The following PAPPA variants were observed in gnomAD, a reference collection of about 807,000 sequenced individuals.
The protein encoded by PAPPA is pappalysin 1.
PAPPA carries 60 observed loss-of-function variants against 164.0 expected under a neutral mutation model. The ratio of observed to expected loss-of-function variants is 0.37; its 90% CI spans 0.30 to 0.45. PAPPA has a LOEUF of 0.45. Among genes scored for constraint, PAPPA ranks in the 20% least tolerant of loss-of-function variants. The probability of loss-of-function intolerance (pLI) is 1.00; values close to 1 mark genes in which losing one functional copy is unlikely to be tolerated. For synonymous variants in PAPPA, 875 were observed against 814.1 expected (o/e 1.07, Z -1.27); for missense variants, 1,782 against 2,087.3 (o/e 0.85, Z 2.85).
chr9:116,178,812 T>C (rs1386576798), intron 1 of PAPPA, among the ~76,000 whole-genome samples: 1 of 152,198 alleles, frequency 6.6e-6, no homozygotes, highest in Non-Finnish European at 1.5e-5. Flanking sequence ...TTCCCATCCA[T>C]AGCTAGTAAA....
In PAPPA at chr9:116,347,237, C is replaced by T. The variant is rs1846223309; in HGVS notation, c.3964+28C>T. 1.3e-6 allele frequency: 2 copies of T among 1,577,574 alleles called. No individual in the cohort carries two copies. Among genetic ancestry groups the T allele is most frequent in the Admixed American group, 1.8e-5 (1 of 57,064 alleles). On this transcript the variant is annotated intron_variant, in intron 15 of 21. Transcript: ENST00000328252. The surrounding 1 kb of genome is among the most constrained non-coding windows in gnomAD (Gnocchi z 4.5). ...ATCAAGAACGCCTTCCCCAGCTCAG[C>T]CTTCCTTTGTCTATGGGAAACCTAG... is the stretch of plus-strand genomic sequence containing the variant.
chr9:116,154,526 G>C lies in PAPPA; in HGVS notation c.354G>C (p.Ala118=). The change falls in exon 1 of 22, where the codon GCG becomes GCC. Residue 118 remains alanine, a synonymous_variant. Coordinates refer to ENST00000328252, the MANE Select transcript of PAPPA (RefSeq NM_002581.5). The surrounding 1 kb of genome is among the most constrained non-coding windows in gnomAD (Gnocchi z 5.2). The part of the protein sequence containing the change: ...LRADLELPRD[A]FTLQVWLRAE... ...CCGACCTCGAGCTGCCCCGGGACGC[G>C]TTCACGCTGCAAGTGTGGCTGCGAG... 7 of 1,401,990 alleles carry C rather than the reference G, an allele frequency of 5.0e-6. No individual in the cohort carries two copies. Among genetic ancestry groups the C allele is most frequent in the Non-Finnish European group, 6.5e-6 (7 of 1,075,818 alleles). The allele number at this position is 1,401,990 out of a possible 1,614,324, so 86.8% of individuals were successfully genotyped here.
chr9:116,191,594 TAAG>T (rs1378432947), intron 2 of PAPPA, among the ~76,000 whole-genome samples: 1 of 152,128 alleles, frequency 6.6e-6, no homozygotes, highest in Non-Finnish European at 1.5e-5. Flanking sequence ...TATAGAAACA[TAAG>T]AAACTCTGAT....
chr9:116,341,767 G>T, intron 13 of PAPPA, among the ~76,000 whole-genome samples: 1 of 152,168 alleles, frequency 6.6e-6, no homozygotes, highest in East Asian at 1.9e-4. Flanking sequence ...TTGAATAGAC[G>T]AATCAGTGGA....
chr9:116,279,298 A>C (rs1228647331), intron 9 of PAPPA, among the ~76,000 whole-genome samples: 1 of 152,164 alleles, frequency 6.6e-6, no homozygotes, highest in Non-Finnish European at 1.5e-5. Context: ...GATGGGGCGG[A>C]AGGCTGACGT....
Position 116,154,127 on chromosome 9 carries a change from G to C in PAPPA, c.-46G>C, listed in dbSNP as rs766973690. ...CGAGGCTCCCAAAGCTGGCAGCTCC[G>C]GGTGGCGGTGCAGGGGCGAAGGGGG... On this transcript the variant is annotated 5_prime_UTR_variant, in exon 1 of 22. Coordinates refer to ENST00000328252, the MANE Select transcript of PAPPA (RefSeq NM_002581.5). This position sits in a 1 kb window ranked among gnomAD's most constrained non-coding sequence, Gnocchi z 5.2. 8 of 1,387,366 alleles carry C rather than the reference G, an allele frequency of 5.8e-6. No homozygotes were observed. The highest frequency in any genetic ancestry group is 5.3e-5 in the South Asian group (4 of 76,158). 85.9% of individuals were successfully genotyped at this position (1,387,366 alleles called of 1,614,324 possible). A position where few individuals can be genotyped will look rare whatever the true frequency, so the allele number is the denominator to read the frequency against.
chr9:116,219,463 A>C (rs1261743467), intron 4 of PAPPA, among the ~76,000 whole-genome samples: 2 of 152,236 alleles, frequency 1.3e-5, no homozygotes, highest in Non-Finnish European at 2.9e-5. Flanking sequence ...AAGAATGTGA[A>C]GGAATGAGTT....
intron 10 of PAPPA, among the ~76,000 whole-genome samples, chr9:116,305,495 A>C (rs1053954952): frequency 6.6e-6 from 1 of 152,128 alleles, no homozygotes; most frequent in South Asian, 2.1e-4. Context: ...ACACACATAC[A>C]TACACAAATT....
intron 2 of PAPPA, among the ~76,000 whole-genome samples, chr9:116,189,732 A>T (rs2118634943): frequency 6.6e-6 from 1 of 152,292 alleles, no homozygotes; most frequent in East Asian, 1.9e-4. Flanking sequence ...TGTCCAACAC[A>T]CAGGACCCTG....
intron 1 of PAPPA, among the ~76,000 whole-genome samples, chr9:116,170,018 G>C (rs2418438): frequency 0.041 from 6,194 of 152,158 alleles, 450 homozygotes; most frequent in African/African-American, 0.14. Context: ...GAGGATAGGG[G>C]AGTTTTTGCA....
At chr9:116,348,514 A>G (rs1846240755) in intron 15 of PAPPA, among the ~76,000 whole-genome samples, 1 of 152,010 alleles carries the variant, frequency 6.6e-6, no homozygotes, top group South Asian at 2.1e-4. Flanking sequence ...TTTTATTTTA[A>G]GCTCAGGAGG....
At chr9:116,280,892 G>T (rs1564208836) in intron 9 of PAPPA, among the ~76,000 whole-genome samples, 1 of 152,168 alleles carries the variant, frequency 6.6e-6, no homozygotes, top group Non-Finnish European at 1.5e-5. Context: ...TTTACCATCT[G>T]GTCCTTTACT....
At chr9:116,352,286 C>T (rs1846292694) in intron 15 of PAPPA, among the ~76,000 whole-genome samples, 1 of 152,208 alleles carries the variant, frequency 6.6e-6, no homozygotes. Flanking sequence ...TGAGGTCATG[C>T]ACTCACTGAT....
At chr9:116,366,555 A>G (rs1395821004) in intron 18 of PAPPA, among the ~76,000 whole-genome samples, 1 of 152,106 alleles carries the variant, frequency 6.6e-6, no homozygotes, top group African/African-American at 2.4e-5. Flanking sequence ...TTATCCATTA[A>G]TCCACTCATT....
At position 116,154,448 on chromosome 9, in the gene PAPPA, G is replaced by T. The variant is rs1464856246; in HGVS notation, c.276G>T (p.Pro92=). ...EARGATEEPS[P]PSRALYFSGR... ...GGGGCGCCACCGAGGAGCCGAGCCC[G>T]CCGAGCCGGGCGCTCTATTTCAGCG... The change falls in exon 1 of 22, where the codon CCG becomes CCT. Residue 92 remains proline, a synonymous_variant. Transcript: ENST00000328252. This position sits in a 1 kb window ranked among gnomAD's most constrained non-coding sequence, Gnocchi z 5.2. 1.6e-6 allele frequency: 2 copies of T among 1,280,848 alleles called. No homozygotes were observed. The highest frequency in any genetic ancestry group is 2.0e-6 in the Non-Finnish European group (2 of 1,014,756). 79.3% of individuals were successfully genotyped at this position (1,280,848 alleles called of 1,614,324 possible). A position where few individuals can be genotyped will look rare whatever the true frequency, so the allele number is the denominator to read the frequency against.
At position 116,187,276 on chromosome 9, in the gene PAPPA, C is replaced by T. The variant is rs571065606; in HGVS notation, c.538C>T (p.Arg180Trp). The T allele has an allele frequency of 1.4e-5, 22 of 1,614,004 alleles. No homozygotes were observed. The highest frequency in any genetic ancestry group is 4.5e-5 in the East Asian group (2 of 44,886). The change falls in exon 2 of 22, where the codon CGG becomes TGG. Residue 180 changes from arginine (R) to tryptophan (W), a missense_variant. Arg to Trp is a moderately radical substitution (Grantham distance 101). Transcript: ENST00000328252. This position sits in a 1 kb window ranked among gnomAD's most constrained non-coding sequence, Gnocchi z 4.2. ...TTTCTCCTTGAAGACAGACCGAGCCCGGCAAGTGACCACCATCAATGCCCA... is the reference window on the plus strand; with the variant it reads ...TTTCTCCTTGAAGACAGACCGAGCCTGGCAAGTGACCACCATCAATGCCCA... ...YFFSLKTDRA[R>W]QVTTINAHRS...
At chr9:116,243,121 A>T (rs985216235) in intron 7 of PAPPA, among the ~76,000 whole-genome samples, 1 of 152,214 alleles carries the variant, frequency 6.6e-6, no homozygotes, top group Non-Finnish European at 1.5e-5. Context: ...ATAGGAAGTT[A>T]AGAGGGAAAT....
intron 9 of PAPPA, among the ~76,000 whole-genome samples, chr9:116,284,624 A>AT (rs1239408070): frequency 7.1e-6 from 1 of 141,344 alleles, no homozygotes; most frequent in African/African-American, 2.7e-5. Flanking sequence ...GGGAACTCAC[A>AT]TTCGACACAT....
chr9:116,237,729 T>C (rs543621586), intron 7 of PAPPA, among the ~76,000 whole-genome samples: 1 of 152,122 alleles, frequency 6.6e-6, no homozygotes, highest in East Asian at 1.9e-4. Flanking sequence ...TCTTTTTTTT[T>C]TTTTCTTTCC....
Sources: gnomAD v4.1 joint callset for allele counts (sites outside exome capture counted in the v4.1 genomes callset) on GRCh38, gnomAD v4.1.1 for gene constraint, Gnocchi (gnomAD v3.1) non-coding constraint, MANE v1.5 for transcripts, NCBI Gene and HGNC (gene_info 2026-07-23, HGNC 2026-07-21) for gene names.